The following SLC39A11 variants were observed in gnomAD, a reference collection of about 807,000 sequenced individuals.
SLC39A11 encodes the protein zinc transporter ZIP11.
A neutral mutation model predicts 36.1 loss-of-function variants in SLC39A11; 33 were observed. The observed-to-expected ratio is 0.91, with a 90% CI of 0.69 to 1.22. The LOEUF (loss-of-function observed/expected upper bound fraction) is 1.22, where lower values mean the gene tolerates loss of function less well. Among genes scored for constraint, SLC39A11 ranks in the 50% most tolerant of loss-of-function variants. The pLI is 0.00. For missense variants in SLC39A11, 432 were observed against 430.3 expected (o/e 1.00, Z -0.03); for synonymous variants, 166 against 170.3 (o/e 0.97, Z 0.20).
intron 6 of SLC39A11, among the ~76,000 whole-genome samples, chr17:72,797,789 C>G (rs1420250174): frequency 1.3e-5 from 2 of 152,092 alleles, no homozygotes; most frequent in African/African-American, 4.8e-5. Flanking sequence ...TCCTTTATTC[C>G]AATGTGCTCA....
chr17:72,807,768 A>G (rs1345995017), intron 6 of SLC39A11, among the ~76,000 whole-genome samples: 1 of 152,202 alleles, frequency 6.6e-6, no homozygotes, highest in Non-Finnish European at 1.5e-5. Context: ...CTTTTAGGAT[A>G]AAGTGGTAAT....
At chr17:72,972,843 C>T (rs1039708360) in intron 4 of SLC39A11, among the ~76,000 whole-genome samples, 7 of 152,146 alleles carry the variant, frequency 4.6e-5, no homozygotes, top group Admixed American at 2.6e-4. Flanking sequence ...TCCTGACCTT[C>T]CCTGCCAAGG....
intron 1 of SLC39A11, chr17:73,092,083 C>T (rs2060943057): frequency 6.6e-6 from 1 of 152,054 alleles, no homozygotes; most frequent in South Asian, 2.1e-4. Context: ...TCTAATGCCT[C>T]GCTACTCAAA....
intron 4 of SLC39A11, among the ~76,000 whole-genome samples, chr17:73,026,200 GGAAGA>G (rs763842495): frequency 1.3e-4 from 16 of 126,926 alleles, no homozygotes; most frequent in African/African-American, 4.2e-4. Context: ...AGAAGAGAAG[GGAAGA>G]GAAGAGAAGA....
At chr17:72,856,345 T>C (rs2079641777) in intron 5 of SLC39A11, among the ~76,000 whole-genome samples, 1 of 152,218 alleles carries the variant, frequency 6.6e-6, no homozygotes, top group Non-Finnish European at 1.5e-5. Flanking sequence ...CATATTTCTT[T>C]CCTCTTTTGA....
At chr17:72,904,065 T>C (rs1436367571) in intron 5 of SLC39A11, among the ~76,000 whole-genome samples, 1 of 152,202 alleles carries the variant, frequency 6.6e-6, no homozygotes, top group East Asian at 1.9e-4. Context: ...TAGGGCCTCC[T>C]TCCTCAGTAG....
chr17:72,936,411 T>TAAAAAAA (rs746428868), intron 5 of SLC39A11, among the ~76,000 whole-genome samples: 34 of 73,462 alleles, frequency 4.6e-4, no homozygotes, highest in African/African-American at 1.4e-3. Flanking sequence ...TGAAAAAAAG[T>TAAAAAAA]AAAAAAAAAA....
intron 7 of SLC39A11, among the ~76,000 whole-genome samples, chr17:72,732,634 T>G (rs2074279099): frequency 6.6e-6 from 1 of 152,214 alleles, no homozygotes; most frequent in Non-Finnish European, 1.5e-5. Flanking sequence ...GCGGCATGTT[T>G]CCCTCTGTGG....
chr17:72,706,336 T>C (rs533584981), intron 7 of SLC39A11, among the ~76,000 whole-genome samples: 1 of 152,328 alleles, frequency 6.6e-6, no homozygotes, highest in African/African-American at 2.4e-5. Context: ...CAAGTCACAG[T>C]ATCCTTGATT....
intron 5 of SLC39A11, among the ~76,000 whole-genome samples, chr17:72,854,949 G>C (rs2079558868): frequency 6.6e-6 from 1 of 152,196 alleles, no homozygotes; most frequent in Admixed American, 6.5e-5. Context: ...ATAGGATGGA[G>C]AAAAGCAGAC....
intron 3 of SLC39A11, among the ~76,000 whole-genome samples, chr17:73,043,861 G>A (rs2059186458): frequency 6.6e-6 from 1 of 152,210 alleles, no homozygotes; most frequent in African/African-American, 2.4e-5. Flanking sequence ...TGGCATGTCA[G>A]TTATTAATCA....
intron 7 of SLC39A11, among the ~76,000 whole-genome samples, chr17:72,672,240 GGAGTTC>G (rs1317280814): frequency 6.6e-6 from 1 of 152,198 alleles, no homozygotes; most frequent in African/African-American, 2.4e-5. Flanking sequence ...CTTCAGGCCA[GGAGTTC>G]GAGACCAACC....
At chr17:72,834,824 A>G (rs1318272932) in intron 6 of SLC39A11, among the ~76,000 whole-genome samples, 1 of 152,222 alleles carries the variant, frequency 6.6e-6, no homozygotes, top group Non-Finnish European at 1.5e-5. Context: ...GCATAATACA[A>G]TCGACGTGGA....
intron 4 of SLC39A11, among the ~76,000 whole-genome samples, chr17:73,021,019 A>G (rs1414462853): frequency 6.6e-6 from 1 of 152,062 alleles, no homozygotes; most frequent in Non-Finnish European, 1.5e-5. Context: ...TGCTTTTCAC[A>G]GAACTCCCTC....
intron 3 of SLC39A11, among the ~76,000 whole-genome samples, chr17:73,078,794 G>A (rs577101200): frequency 1.1e-4 from 17 of 152,026 alleles, no homozygotes; most frequent in East Asian, 9.7e-4. Flanking sequence ...CACCATGCCC[G>A]GCCTATCTCA....
At chr17:72,933,758 G>A (rs1042489414) in intron 5 of SLC39A11, among the ~76,000 whole-genome samples, 1 of 152,152 alleles carries the variant, frequency 6.6e-6, no homozygotes, top group Non-Finnish European at 1.5e-5. Flanking sequence ...GACCTCAAAC[G>A]ATCCACCCGA....
intron 6 of SLC39A11, among the ~76,000 whole-genome samples, chr17:72,824,448 G>A (rs923770895): frequency 6.6e-6 from 1 of 151,170 alleles, no homozygotes; most frequent in African/African-American, 2.4e-5. Flanking sequence ...TGCGAGAATG[G>A]ACTAATATAG....
chr17:73,033,233 G>T (rs1227404714), intron 3 of SLC39A11, among the ~76,000 whole-genome samples: 2 of 152,234 alleles, frequency 1.3e-5, no homozygotes, highest in Non-Finnish European at 2.9e-5. Context: ...TGTGCGGCCT[G>T]GTTCCTAACA....
chr17:72,800,388 G>T (rs2077045955), intron 6 of SLC39A11, among the ~76,000 whole-genome samples: 1 of 141,156 alleles, frequency 7.1e-6, no homozygotes, highest in African/African-American at 2.7e-5. Flanking sequence ...TCAGCTCACT[G>T]CAACCTCTGC....
Sources: allele counts gnomAD v4.1 joint callset (sites outside exome capture counted in the v4.1 genomes callset), GRCh38; gene constraint gnomAD v4.1.1; transcripts MANE v1.5; gene names NCBI Gene and HGNC (gene_info 2026-07-23, HGNC 2026-07-21).